The following GALNT13 variants were observed in gnomAD, a reference collection of about 807,000 sequenced individuals.
GALNT13 encodes the protein polypeptide N-acetylgalactosaminyltransferase 13.
A neutral mutation model predicts 64.2 loss-of-function variants in GALNT13; 28 were observed. The ratio of observed to expected loss-of-function variants is 0.44; its 90% CI spans 0.32 to 0.60. The LOEUF (loss-of-function observed/expected upper bound fraction) is 0.60, where lower values mean the gene tolerates loss of function less well. Ranked by LOEUF, GALNT13 falls within the 20% of genes least tolerant of loss-of-function variation. The probability of loss-of-function intolerance (pLI) is 0.05; values close to 1 mark genes in which losing one functional copy is unlikely to be tolerated. For synonymous variants in GALNT13, 214 were observed against 224.6 expected (o/e 0.95, Z 0.42); for missense variants, 577 against 669.8 (o/e 0.86, Z 1.53).
At chr2:153,897,029 A>C (rs1055743960) in intron 1 of GALNT13, among the ~76,000 whole-genome samples, 2 of 152,146 alleles carry the variant, frequency 1.3e-5, no homozygotes, top group African/African-American at 4.8e-5. Flanking sequence ...CTATGTGCTC[A>C]TGTGTGCATG....
intron 9 of GALNT13, among the ~76,000 whole-genome samples, chr2:154,305,538 T>C (rs753692373): frequency 6.6e-6 from 1 of 152,224 alleles, no homozygotes; most frequent in South Asian, 2.1e-4. Context: ...TTTTCCAATA[T>C]GTTTTGTGAG....
intron 3 of GALNT13, among the ~76,000 whole-genome samples, chr2:153,969,273 T>C (rs1693586765): frequency 6.6e-6 from 1 of 152,024 alleles, no homozygotes; most frequent in Non-Finnish European, 1.5e-5. Context: ...ACACACCCCA[T>C]AATTTACCTG....
chr2:154,411,313 C>T (rs1341376295), intron 11 of GALNT13, among the ~76,000 whole-genome samples: 5 of 70,794 alleles, frequency 7.1e-5, no homozygotes, highest in African/African-American at 2.6e-4. Flanking sequence ...TACTTAATTG[C>T]ACATACACAC....
chr2:153,366,498 GAGAA>G, the GALNT13 span, among the ~76,000 whole-genome samples: 53 of 152,030 alleles, frequency 3.5e-4, no homozygotes, highest in Admixed American at 1.1e-3. Flanking sequence ...GGTGGGGAGA[GAGAA>G]AGAAAGAAAC....
At chr2:154,255,351 G>T (rs757994618) in intron 7 of GALNT13, among the ~76,000 whole-genome samples, 1 of 152,138 alleles carries the variant, frequency 6.6e-6, no homozygotes, top group Non-Finnish European at 1.5e-5. Context: ...TTTCAAGAAG[G>T]TTACCAGGGA....
the GALNT13 span, among the ~76,000 whole-genome samples, chr2:153,553,449 C>T: frequency 1.3e-5 from 2 of 152,110 alleles, no homozygotes; most frequent in Non-Finnish European, 2.9e-5. Flanking sequence ...CTGCAGTGAG[C>T]CATGATTGCA....
the GALNT13 span, among the ~76,000 whole-genome samples, chr2:153,476,829 T>TGTG: frequency 6.6e-6 from 1 of 152,354 alleles, no homozygotes; most frequent in Non-Finnish European, 1.5e-5. Flanking sequence ...CGTCACTGTG[T>TGTG]ACCTTAGCAG....
intron 3 of GALNT13, among the ~76,000 whole-genome samples, chr2:154,123,858 GA>G (rs1682102598): frequency 6.6e-6 from 1 of 152,032 alleles, no homozygotes; most frequent in African/African-American, 2.4e-5. Context: ...GCAGGTCTGA[GA>G]ATTTGCGTGG....
chr2:154,244,058 A>C (rs952971578), intron 6 of GALNT13, among the ~76,000 whole-genome samples: 1 of 152,084 alleles, frequency 6.6e-6, no homozygotes, highest in Non-Finnish European at 1.5e-5. Flanking sequence ...AGTAAAATGA[A>C]CTTAAAAATG....
intron 4 of GALNT13, among the ~76,000 whole-genome samples, chr2:154,178,076 G>A (rs1051864258): frequency 2.6e-5 from 4 of 152,056 alleles, no homozygotes; most frequent in East Asian, 1.9e-4. Flanking sequence ...CACTGTCACC[G>A]TCTTCTGTTA....
the GALNT13 span, among the ~76,000 whole-genome samples, chr2:153,531,208 T>C: frequency 1.3e-5 from 2 of 152,086 alleles, no homozygotes; most frequent in Non-Finnish European, 2.9e-5. Flanking sequence ...AGAAAAGAGA[T>C]TTAATTGGCT....
chr2:153,089,745 T>C, the GALNT13 span, among the ~76,000 whole-genome samples: 2 of 152,178 alleles, frequency 1.3e-5, no homozygotes, highest in Non-Finnish European at 2.9e-5. Flanking sequence ...CAGTATATTT[T>C]GTACTTCTCT....
the GALNT13 span, among the ~76,000 whole-genome samples, chr2:153,615,966 C>T: frequency 5.3e-5 from 8 of 152,002 alleles, no homozygotes; most frequent in East Asian, 5.8e-4. Context: ...TTTTTGCTTT[C>T]GTTGCCTGTG....
At chr2:153,966,227 T>TC (rs1356959357) in intron 3 of GALNT13, among the ~76,000 whole-genome samples, 1 of 150,752 alleles carries the variant, frequency 6.6e-6, no homozygotes, top group Non-Finnish European at 1.5e-5. Context: ...TTCTTTTTTT[T>TC]TTTTTTTTTT....
At chr2:153,261,515 A>G in the GALNT13 span, among the ~76,000 whole-genome samples, 1 of 152,146 alleles carries the variant, frequency 6.6e-6, no homozygotes, top group Admixed American at 6.5e-5. Flanking sequence ...TTCTTCCCTT[A>G]CTTTCCCTCA....
At chr2:154,337,038 A>G (rs1226658530) in intron 9 of GALNT13, among the ~76,000 whole-genome samples, 1 of 152,074 alleles carries the variant, frequency 6.6e-6, no homozygotes, top group Non-Finnish European at 1.5e-5. Context: ...ATTTCTCTAT[A>G]AAAAAATATA....
chr2:153,715,281 G>C, the GALNT13 span, among the ~76,000 whole-genome samples: 808 of 152,356 alleles, frequency 5.3e-3, 5 homozygotes, highest in Non-Finnish European at 7.6e-3. Context: ...CAGTAGCTGA[G>C]GTGGTAATTG....
the GALNT13 span, among the ~76,000 whole-genome samples, chr2:153,523,398 G>A: frequency 4.6e-5 from 7 of 152,156 alleles, no homozygotes; most frequent in African/African-American, 1.4e-4. Flanking sequence ...TGAATCTATG[G>A]ACCAAGTTTG....
At chr2:154,288,569 G>C (rs890891017) in intron 8 of GALNT13, among the ~76,000 whole-genome samples, 2 of 152,120 alleles carry the variant, frequency 1.3e-5, no homozygotes, top group African/African-American at 4.8e-5. Context: ...AAATACAATG[G>C]GGGTACAGTC....
Sources: gnomAD v4.1 joint callset for allele counts (sites outside exome capture counted in the v4.1 genomes callset) on GRCh38, gnomAD v4.1.1 for gene constraint, MANE v1.5 for transcripts, NCBI Gene and HGNC (gene_info 2026-07-23, HGNC 2026-07-21) for gene names.